The following NMT1 variants were observed in gnomAD, a reference collection of about 807,000 sequenced individuals.
The protein encoded by NMT1 is N-myristoyltransferase 1, also known as glycylpeptide N-tetradecanoyltransferase 1.
NMT1 carries 12 observed loss-of-function variants against 63.4 expected under a neutral mutation model. That is an observed-to-expected ratio of 0.19 (90% CI 0.12 to 0.31). The LOEUF is 0.31. Among genes scored for constraint, NMT1 ranks in the 10% least tolerant of loss-of-function variants. The pLI is 1.00. For synonymous variants in NMT1, 228 were observed against 234.3 expected (o/e 0.97, Z 0.25); for missense variants, 432 against 634.6 (o/e 0.68, Z 3.43).
At chr17:45,090,187 G>T (rs2054079068) in intron 3 of NMT1, among the ~76,000 whole-genome samples, 1 of 152,182 alleles carries the variant, frequency 6.6e-6, no homozygotes, top group Non-Finnish European at 1.5e-5. Flanking sequence ...AGGAGACTGA[G>T]GTGGGAGGAT....
intron 1 of NMT1, among the ~76,000 whole-genome samples, chr17:45,075,941 G>A (rs1162092934): frequency 2.6e-5 from 4 of 151,708 alleles, no homozygotes; most frequent in African/African-American, 4.8e-5. Context: ...ATGGTGGTAT[G>A]TGCCTGTATT....
At chr17:45,067,511 G>A (rs1440820783) in intron 1 of NMT1, among the ~76,000 whole-genome samples, 1 of 152,122 alleles carries the variant, frequency 6.6e-6, no homozygotes, top group Admixed American at 6.6e-5. Flanking sequence ...AACTTAGGAG[G>A]AGAGAAAAGT....
At chr17:45,094,849 G>T (rs1173050007) in intron 4 of NMT1, among the ~76,000 whole-genome samples, 1 of 131,760 alleles carries the variant, frequency 7.6e-6, no homozygotes, top group Non-Finnish European at 1.6e-5. Context: ...GTCTGGTTCT[G>T]TTGCCCAGGC....
Position 45,104,307 on chromosome 17 carries a change from G to A in NMT1, c.1332+431G>A. ...TTTGCTGTGGGTTCTGGTAACCTGT[G>A]CCCAGCCCAGCCCAGCCTGCTGTAG... On this transcript the variant is annotated intron_variant, in intron 10 of 11. Transcript: ENST00000258960. The surrounding 1 kb of genome is among the most constrained non-coding windows in gnomAD (Gnocchi z 4.2). 3 of 1,172,446 alleles carry A rather than the reference G, an allele frequency of 2.6e-6. No homozygotes were observed. The highest frequency in any genetic ancestry group is 3.2e-6 in the Non-Finnish European group (3 of 937,672). 72.6% of individuals were successfully genotyped at this position (1,172,446 alleles called of 1,614,324 possible).
rs1389774565 is a variant in NMT1 at position 45,102,100 on chromosome 17, A to G, written c.994-851A>G. Among the ~76,000 whole-genome samples, 7 of 152,172 alleles carry G rather than the reference A, an allele frequency of 4.6e-5. No individual in the cohort carries two copies. In the East Asian group the frequency reaches 1.3e-3, roughly 29 times the overall value. On this transcript the variant is annotated intron_variant, in intron 8 of 11. Transcript: ENST00000258960. ...GAATGAGGTCATTGAGCGTTCCCCT[A>G]AAGAGACGAGGATTTAGCAAGGAAT...
At chr17:45,090,863 G>C (rs746906863) in intron 3 of NMT1, among the ~76,000 whole-genome samples, 1 of 152,020 alleles carries the variant, frequency 6.6e-6, no homozygotes, top group Non-Finnish European at 1.5e-5. Flanking sequence ...GTGCTCTGCA[G>C]AGCAGCCTTC....
At position 45,080,465 on chromosome 17, in the gene NMT1, C is replaced by CTT. The variant is rs35346554; in HGVS notation, c.132-1159_132-1158dup. On this transcript the variant is annotated intron_variant, in intron 1 of 11. Coordinates refer to ENST00000258960, the MANE Select transcript of NMT1 (RefSeq NM_021079.5). Reference sequence around the variant, plus strand: ...GTGAGCCACCACACCCAGCCTTTTCCTTTTTTTTTTTTTTTTTTTTTGAGA... The same window carrying CTT: ...GTGAGCCACCACACCCAGCCTTTTCCTTTTTTTTTTTTTTTTTTTTTTTGAGA... Among the ~76,000 whole-genome samples, 279 of 70,182 alleles carry CTT rather than the reference C, an allele frequency of 4.0e-3. 5 individuals are homozygous for CTT. The highest frequency in any genetic ancestry group is 0.039 in the South Asian group (77 of 1,962). 46.0% of individuals were successfully genotyped at this position (70,182 alleles called of 152,430 possible).
At chr17:45,090,213 G>A (rs1781629270) in intron 3 of NMT1, among the ~76,000 whole-genome samples, 1 of 152,152 alleles carries the variant, frequency 6.6e-6, no homozygotes, top group Non-Finnish European at 1.5e-5. Flanking sequence ...GAGTCCTGGA[G>A]GTCGAGGCTG....
chr17:45,083,036 GC>G (rs1365215667), intron 2 of NMT1, among the ~76,000 whole-genome samples: 1 of 143,832 alleles, frequency 7.0e-6, no homozygotes, highest in African/African-American at 2.6e-5. Context: ...AAATTAAGTG[GC>G]CAGGCATGGT....
chr17:45,098,405 A>G lies in NMT1; in HGVS notation c.737A>G (p.Asn246Ser). 6.2e-7 allele frequency: 1 copy of G among 1,614,098 alleles called. No individual in the cohort carries two copies. The highest frequency in any genetic ancestry group is 8.5e-7 in the Non-Finnish European group (1 of 1,179,984). Residue 246 changes from asparagine to serine, a missense_variant, in exon 7 of 12, where the codon AAC (asparagine) becomes AGC (serine). Physicochemically the swap from Asn to Ser is conservative, Grantham distance 46. Transcript: ENST00000258960. ...YDTEKKMVEI[N>S]FLCVHKKLRS... ...AGAGAGAAGAAGATGGTAGAGATCA[A>G]CTTCCTGTGTGTCCACAAGAAGCTG...
chr17:45,096,471 A>C (rs899955237), intron 5 of NMT1, among the ~76,000 whole-genome samples, 186 bp downstream of exon 5: 5 of 152,228 alleles, frequency 3.3e-5, no homozygotes, highest in Non-Finnish European at 4.4e-5. Context: ...GCCTTGTTTA[A>C]GACAATTGAC....
chr17:45,093,422 G>A (rs887205327), intron 3 of NMT1, among the ~76,000 whole-genome samples: 1 of 152,222 alleles, frequency 6.6e-6, no homozygotes, highest in African/African-American at 2.4e-5. Flanking sequence ...GTCATTCAGT[G>A]ACCCAAGGGA....
intron 8 of NMT1, among the ~76,000 whole-genome samples, chr17:45,102,095 C>T (rs976140857): frequency 2.0e-5 from 3 of 152,290 alleles, no homozygotes; most frequent in Middle Eastern, 3.4e-3. Flanking sequence ...ATTGAGCGTT[C>T]CCCTAAAGAG....
In NMT1 at chr17:45,061,336, G is replaced by A; in HGVS notation, c.7G>A (p.Asp3Asn). 6.2e-7 allele frequency: 1 copy of A among 1,613,632 alleles called. No homozygotes were observed. Among genetic ancestry groups the A allele is most frequent in the Non-Finnish European group, 8.5e-7 (1 of 1,179,818 alleles). Residue 3 changes from aspartate (D) to asparagine (N), a missense_variant, in exon 1 of 12, where the codon GAC becomes AAC. Physicochemically the swap from Asp to Asn is conservative, Grantham distance 23. Around this residue, in one of 4 missense-constraint regions of NMT1, gnomAD observed 121 missense variants for 103.7 expected, o/e 1.17. Coordinates refer to ENST00000258960, the MANE Select transcript of NMT1 (RefSeq NM_021079.5). ...CCTGCTCTCGCAACTCAAGATGGCG[G>A]ACGAGAGTGAGACAGCAGTGAAGCC... is the stretch of plus-strand genomic sequence containing the variant. MA[D>N]ESETAVKPPA...
intron 1 of NMT1, among the ~76,000 whole-genome samples, chr17:45,080,177 T>G (rs1320076777): frequency 6.7e-6 from 1 of 149,702 alleles, no homozygotes; most frequent in Non-Finnish European, 1.5e-5. Flanking sequence ...CTTTTTTTTT[T>G]GAGACGGAGT....
At chr17:45,074,032 T>C (rs2157839) in intron 1 of NMT1, among the ~76,000 whole-genome samples, 111,017 of 151,962 alleles carry the variant, frequency 0.73, 41,540 homozygotes, top group African/African-American at 0.9. Flanking sequence ...CTTCTCCTGC[T>C]GTTCATCTGC....
intron 8 of NMT1, among the ~76,000 whole-genome samples, chr17:45,100,209 C>A (rs1162075969): frequency 6.6e-6 from 1 of 152,162 alleles, no homozygotes; most frequent in Non-Finnish European, 1.5e-5. Flanking sequence ...CCACCTCAGC[C>A]TCCCAAGTAG....
intron 1 of NMT1, among the ~76,000 whole-genome samples, chr17:45,064,117 G>A (rs1410266590): frequency 2.0e-5 from 3 of 152,066 alleles, no homozygotes; most frequent in Non-Finnish European, 4.4e-5. Context: ...CCCGGGAGGC[G>A]GAGGTTGCAG....
intron 2 of NMT1, among the ~76,000 whole-genome samples, chr17:45,085,178 A>G (rs1403644310): frequency 6.6e-6 from 1 of 152,160 alleles, no homozygotes. Context: ...CCTTCAGCCC[A>G]TGAGGTTGAA....
Sources: allele counts gnomAD v4.1 joint callset (sites outside exome capture counted in the v4.1 genomes callset), GRCh38; gene constraint gnomAD v4.1.1; regional missense constraint gnomAD v4.1.1; non-coding constraint Gnocchi (gnomAD v3.1); transcripts MANE v1.5; gene names NCBI Gene and HGNC (gene_info 2026-07-23, HGNC 2026-07-21).